The following IGF2BP3 variants were observed in gnomAD, a reference collection of about 807,000 sequenced individuals.
IGF2BP3 encodes the protein insulin-like growth factor 2 mRNA-binding protein 3.
In IGF2BP3, 9 loss-of-function variants were observed where a neutral mutation model predicts 73.8. The observed-to-expected ratio is 0.12, with a 90% confidence interval of 0.07 to 0.21. The LOEUF (loss-of-function observed/expected upper bound fraction) is 0.21, where lower values mean the gene tolerates loss of function less well. IGF2BP3 is among the 10% of genes least tolerant of loss of function. IGF2BP3 has a pLI of 1.00. For synonymous variants in IGF2BP3, 258 were observed against 256.7 expected (o/e 1.01, Z -0.05); for missense variants, 542 against 714.0 (o/e 0.76, Z 2.75).
intron 5 of IGF2BP3, among the ~76,000 whole-genome samples, chr7:23,355,083 C>T (rs1785058280): frequency 6.6e-6 from 1 of 152,108 alleles, no homozygotes; most frequent in East Asian, 1.9e-4. Context: ...TTAGTATTTT[C>T]ACCAAACCCA....
At chr7:23,359,439 T>C (rs1407756264) in intron 5 of IGF2BP3, among the ~76,000 whole-genome samples, 1 of 152,206 alleles carries the variant, frequency 6.6e-6, no homozygotes, top group Non-Finnish European at 1.5e-5. Flanking sequence ...AGTTTTCAAA[T>C]AAGGCCACAA....
chr7:23,461,301 A>C (rs1202353519), intron 2 of IGF2BP3, among the ~76,000 whole-genome samples: 1 of 152,088 alleles, frequency 6.6e-6, no homozygotes, highest in Non-Finnish European at 1.5e-5. Flanking sequence ...CTTGATGATC[A>C]TGTCCAATTC....
intron 3 of IGF2BP3, among the ~76,000 whole-genome samples, chr7:23,398,695 G>A (rs1403449076): frequency 6.6e-6 from 1 of 152,138 alleles, no homozygotes; most frequent in Non-Finnish European, 1.5e-5. Flanking sequence ...GTGCTTTTTG[G>A]CTGCATAAAT....
At chr7:23,377,658 A>T (rs1785770786) in intron 3 of IGF2BP3, among the ~76,000 whole-genome samples, 1 of 152,236 alleles carries the variant, frequency 6.6e-6, no homozygotes, top group Non-Finnish European at 1.5e-5. Context: ...ACACAAAAAC[A>T]TGTACACCAG....
chr7:23,422,666 C>A (rs568463861), intron 2 of IGF2BP3, among the ~76,000 whole-genome samples: 9 of 152,356 alleles, frequency 5.9e-5, no homozygotes, highest in African/African-American at 2.2e-4. Context: ...TTACATCCAA[C>A]ACCCATTTAA....
intron 3 of IGF2BP3, among the ~76,000 whole-genome samples, chr7:23,418,452 G>C (rs985680514): frequency 4.6e-5 from 7 of 152,158 alleles, no homozygotes; most frequent in Non-Finnish European, 1.0e-4. Flanking sequence ...GCCAAGATAG[G>C]AACTTCATAT....
chr7:23,444,344 G>A (rs1347978631), intron 2 of IGF2BP3, among the ~76,000 whole-genome samples: 7 of 151,858 alleles, frequency 4.6e-5, no homozygotes, highest in Admixed American at 1.3e-4. Context: ...CCTACATATG[G>A]GTGAATATAC....
rs189380686 is a variant in IGF2BP3, at chr7:23,441,745, C to G, written c.237-22921G>C. Among the ~76,000 whole-genome samples the G allele has an allele frequency of 3.9e-5, 6 of 152,078 alleles. No homozygotes were observed. The East Asian group carries it at 1.2e-3, about 29-fold the overall frequency. ...CAGTCCAGCTAAGCATTTAAAGTGA[C>G]TGCCAATTATGACAGTGGTTAAAAA... On this transcript the variant is annotated intron_variant, in intron 2 of 14. Transcript: ENST00000258729.
intron 2 of IGF2BP3, among the ~76,000 whole-genome samples, chr7:23,434,140 A>G (rs1787753757): frequency 6.6e-6 from 1 of 152,054 alleles, no homozygotes; most frequent in African/African-American, 2.4e-5. Context: ...CGTATTTTCC[A>G]CATAAAAGTA....
intron 3 of IGF2BP3, among the ~76,000 whole-genome samples, chr7:23,374,745 A>C (rs1785663825): frequency 2.0e-5 from 3 of 152,108 alleles, no homozygotes; most frequent in Admixed American, 6.6e-5. Context: ...ATATCGGGGG[A>C]AATTCACCCC....
rs1360890240 is a variant in IGF2BP3 at position 23,376,489 on chromosome 7, C to G, written c.286-14748G>C. The stretch of plus-strand genomic sequence containing the variant: ...AGCAAAACTTGCAGTGAGCCAAGAT[C>G]ACACCACTGCACTTTAGCCTGGGCA... On this transcript the variant is annotated intron_variant, in intron 3 of 14. Transcript: ENST00000258729. 6.4e-5 allele frequency among the ~76,000 whole-genome samples: 9 copies of G among 141,534 alleles called. 1 individual carries two copies. The Admixed American group carries it at 6.7e-4, about 11-fold the overall frequency. The allele number at this position is 141,534 out of a possible 152,430, so 92.9% of individuals were successfully genotyped here.
At chr7:23,458,666 AC>A (rs1460219734) in intron 2 of IGF2BP3, among the ~76,000 whole-genome samples, 8 of 152,186 alleles carry the variant, frequency 5.3e-5, no homozygotes, top group Non-Finnish European at 7.3e-5. Context: ...AGATGAAGCT[AC>A]TAAAAAACAC....
chr7:23,380,053 AT>A (rs1377622627), intron 3 of IGF2BP3, among the ~76,000 whole-genome samples: 1 of 152,086 alleles, frequency 6.6e-6, no homozygotes, highest in African/African-American at 2.4e-5. Context: ...GTCTTTAAAT[AT>A]AAAAAGGCTA....
chr7:23,400,646 C>T (rs966965730), intron 3 of IGF2BP3, among the ~76,000 whole-genome samples: 4 of 152,310 alleles, frequency 2.6e-5, no homozygotes, highest in Admixed American at 1.3e-4. Flanking sequence ...CCATTTCACA[C>T]GAGAACAACT....
At chr7:23,433,918 T>C (rs1218155998) in intron 2 of IGF2BP3, among the ~76,000 whole-genome samples, 1 of 151,726 alleles carries the variant, frequency 6.6e-6, no homozygotes, top group Non-Finnish European at 1.5e-5. Context: ...CTGCTAAAAA[T>C]ACAAAAATTA....
intron 6 of IGF2BP3, 71 bp downstream of exon 6, chr7:23,351,234 G>A (rs561163825): frequency 1.3e-6 from 2 of 1,558,680 alleles, no homozygotes; most frequent in East Asian, 2.2e-5. Context: ...CCAAGTACCA[G>A]AACGACACAC....
intron 2 of IGF2BP3, among the ~76,000 whole-genome samples, chr7:23,455,422 C>T (rs956514868): frequency 6.6e-6 from 1 of 152,214 alleles, no homozygotes; most frequent in Non-Finnish European, 1.5e-5. Flanking sequence ...TGCCTATTTT[C>T]ACATCCCTCT....
At chr7:23,466,137 G>A (rs1788562089) in intron 2 of IGF2BP3, among the ~76,000 whole-genome samples, 1 of 151,746 alleles carries the variant, frequency 6.6e-6, no homozygotes, top group Admixed American at 6.6e-5. Flanking sequence ...TCCTGCCTCA[G>A]CCTCCCGAGT....
intron 2 of IGF2BP3, among the ~76,000 whole-genome samples, chr7:23,467,521 T>C (rs1310177183): frequency 6.6e-6 from 1 of 152,176 alleles, no homozygotes; most frequent in Non-Finnish European, 1.5e-5. Context: ...CCGGTGCGAC[T>C]GGGAGGGAGC....
Sources: gnomAD v4.1 joint callset for allele counts (sites outside exome capture counted in the v4.1 genomes callset) on GRCh38, gnomAD v4.1.1 for gene constraint, MANE v1.5 for transcripts, NCBI Gene and HGNC (gene_info 2026-07-23, HGNC 2026-07-21) for gene names.